Variants in TIAM1 observed in about 807,000 individuals in gnomAD.
TIAM1 encodes the protein rho guanine nucleotide exchange factor TIAM1.
A neutral mutation model predicts 163.5 loss-of-function variants in TIAM1; 65 were observed. The ratio of observed to expected loss-of-function variants is 0.40; its 90% CI spans 0.33 to 0.49. The LOEUF is 0.49. Among genes scored for constraint, TIAM1 ranks in the 20% least tolerant of loss-of-function variants. The pLI, the probability that TIAM1 is intolerant of heterozygous loss-of-function variation, is 0.77. For missense variants in TIAM1, 1,789 were observed against 2,044.7 expected, an observed-to-expected ratio of 0.87 and a Z score of 2.41; for synonymous variants, 833 against 810.1, an observed-to-expected ratio of 1.03 and a Z score of -0.48.
chr21:31,455,711 T>A (rs1024726948), intron 2 of TIAM1, among the ~76,000 whole-genome samples: 6 of 152,226 alleles, frequency 3.9e-5, no homozygotes, highest in African/African-American at 9.6e-5. Flanking sequence ...ACAGCGATTC[T>A]GTGACGCTGC....
At chr21:31,211,975 C>T (rs745862874) in intron 10 of TIAM1, among the ~76,000 whole-genome samples, 5 of 152,162 alleles carry the variant, frequency 3.3e-5, no homozygotes, top group Non-Finnish European at 7.3e-5. Flanking sequence ...TAAATGTGGA[C>T]TAATAATGGT....
intron 4 of TIAM1, among the ~76,000 whole-genome samples, chr21:31,260,188 A>C (rs951461043): frequency 2.7e-5 from 4 of 147,286 alleles, no homozygotes. Flanking sequence ...TAAATAAATA[A>C]ATAAATATTT....
chr21:31,350,479 T>G (rs1407313052), intron 2 of TIAM1, among the ~76,000 whole-genome samples: 1 of 152,078 alleles, frequency 6.6e-6, no homozygotes, highest in African/African-American at 2.4e-5. Context: ...AGATGGGGCC[T>G]GGTGGGAGGT....
intron 15 of TIAM1, among the ~76,000 whole-genome samples, chr21:31,178,887 G>A (rs1258781966): frequency 6.6e-6 from 1 of 151,686 alleles, no homozygotes. Context: ...TAGTAGCTGG[G>A]ATTACAGGCA....
At chr21:31,152,021 CTTTT>C (rs754817467) in intron 19 of TIAM1, among the ~76,000 whole-genome samples, 67 of 112,294 alleles carry the variant, frequency 6.0e-4, no homozygotes, top group Non-Finnish European at 6.3e-4. Context: ...CCAGAAGTGC[CTTTT>C]TTTTTTTTTT....
chr21:31,468,359 T>A (rs1339630836), intron 1 of TIAM1, among the ~76,000 whole-genome samples: 1 of 151,942 alleles, frequency 6.6e-6, no homozygotes, highest in Non-Finnish European at 1.5e-5. Flanking sequence ...GGTGCATGCC[T>A]GTAATCCCAG....
At chr21:31,482,171 A>AGTC (rs2046134252) in intron 1 of TIAM1, among the ~76,000 whole-genome samples, 1 of 144,454 alleles carries the variant, frequency 6.9e-6, no homozygotes, top group Non-Finnish European at 1.5e-5. Context: ...TTTTTTTTTG[A>AGTC]GTCGGAATCT....
At chr21:31,258,385 C>T (rs540564332) in intron 4 of TIAM1, among the ~76,000 whole-genome samples, 145 of 152,338 alleles carry the variant, frequency 9.5e-4, no homozygotes, top group Middle Eastern at 3.4e-3. Flanking sequence ...TCAGCTCATG[C>T]TCAACTAAAG....
intron 9 of TIAM1, among the ~76,000 whole-genome samples, chr21:31,213,847 T>C (rs1479354898): frequency 1.7e-5 from 2 of 118,814 alleles, no homozygotes; most frequent in Non-Finnish European, 1.6e-5. Context: ...CTGGGCAATA[T>C]AGTTAGACCT....
At chr21:31,445,781 T>C (rs1271033885) in intron 2 of TIAM1, among the ~76,000 whole-genome samples, 1 of 152,064 alleles carries the variant, frequency 6.6e-6, no homozygotes, top group Non-Finnish European at 1.5e-5. Flanking sequence ...CCTCTCTGAC[T>C]CAGGGACATG....
chr21:31,217,521 C>T (rs746704016), intron 9 of TIAM1, 32 bp downstream of exon 9: 11 of 1,606,208 alleles, frequency 6.8e-6, no homozygotes, highest in East Asian at 2.2e-5. Flanking sequence ...GTGATTTGTG[C>T]GGGCTCACTT....
chr21:31,138,169 C>A (rs2082698591), intron 22 of TIAM1, among the ~76,000 whole-genome samples: 1 of 152,060 alleles, frequency 6.6e-6, no homozygotes, highest in South Asian at 2.1e-4. Flanking sequence ...TTAAGGACTT[C>A]TTTTAAGGGG....
chr21:31,521,991 G>A (rs2047612688), intron 1 of TIAM1, among the ~76,000 whole-genome samples: 1 of 151,702 alleles, frequency 6.6e-6, no homozygotes, highest in South Asian at 2.1e-4. Context: ...CCAGCCTCAG[G>A]CTCCCAAGTA....
chr21:31,406,571 C>G (rs1423842456), intron 2 of TIAM1, among the ~76,000 whole-genome samples: 3 of 152,148 alleles, frequency 2.0e-5, no homozygotes, highest in African/African-American at 7.2e-5. Context: ...TTTCATCAAG[C>G]ACCTGGGTCC....
At chr21:31,298,142 A>C (rs933820058) in intron 2 of TIAM1, among the ~76,000 whole-genome samples, 6 of 152,076 alleles carry the variant, frequency 3.9e-5, no homozygotes, top group African/African-American at 1.4e-4. Context: ...CTGTCATGAG[A>C]ACCCAGGTGG....
chr21:31,503,265 C>T (rs1481372957), intron 1 of TIAM1, among the ~76,000 whole-genome samples: 3 of 151,464 alleles, frequency 2.0e-5, no homozygotes, highest in Admixed American at 1.3e-4. Context: ...TGTGGTGGTG[C>T]GTGCCCGTAA....
At chr21:31,418,823 C>A (rs866377413) in intron 2 of TIAM1, among the ~76,000 whole-genome samples, 1 of 152,136 alleles carries the variant, frequency 6.6e-6, no homozygotes, top group African/African-American at 2.4e-5. Context: ...CAGAGAGAGG[C>A]CTTTTGCTGC....
At chr21:31,178,300 A>ATTTT (rs1341022781) in intron 15 of TIAM1, among the ~76,000 whole-genome samples, 2 of 99,862 alleles carry the variant, frequency 2.0e-5, no homozygotes, top group East Asian at 8.1e-4. Flanking sequence ...GTATTCAGGA[A>ATTTT]TTCTTTTTTT....
intron 2 of TIAM1, among the ~76,000 whole-genome samples, chr21:31,296,048 C>T (rs2074249694): frequency 6.6e-6 from 1 of 152,214 alleles, no homozygotes; most frequent in Non-Finnish European, 1.5e-5. Flanking sequence ...ACCCGCCTGC[C>T]TCAGCCTCCC....
Sources: allele counts gnomAD v4.1 joint callset (sites outside exome capture counted in the v4.1 genomes callset), GRCh38; gene constraint gnomAD v4.1.1; transcripts MANE v1.5; gene names NCBI Gene and HGNC (gene_info 2026-07-23, HGNC 2026-07-21).